NSMCE2: variants seen among roughly 807,000 people sequenced by gnomAD.
NSMCE2 encodes NSE2 SUMO ligase component of SMC5/6 complex.
Under a neutral mutation model 23.8 loss-of-function variants are expected in NSMCE2, and 24 were observed. The observed-to-expected ratio is 1.01, with a 90% confidence interval of 0.73 to 1.42. NSMCE2 has a LOEUF of 1.42. Among genes scored for constraint, NSMCE2 ranks in the 40% most tolerant of loss-of-function variants. The pLI, the probability that NSMCE2 is intolerant of heterozygous loss-of-function variation, is 0.00. For synonymous variants in NSMCE2, 92 were observed against 94.1 expected, an observed-to-expected ratio of 0.98 and a Z score of 0.13; for missense variants, 284 against 296.5, an observed-to-expected ratio of 0.96 and a Z score of 0.31.
intron 5 of NSMCE2, among the ~76,000 whole-genome samples, chr8:125,249,872 TAAGGTGGTG>T (rs1286713232): frequency 6.6e-6 from 1 of 152,240 alleles, no homozygotes; most frequent in East Asian, 1.9e-4. Flanking sequence ...TAAGTTTCTT[TAAGGTGGTG>T]TGAACTTTTG....
intron 3 of NSMCE2, among the ~76,000 whole-genome samples, chr8:125,142,919 T>C (rs1820458582): frequency 6.6e-6 from 1 of 152,272 alleles, no homozygotes; most frequent in Non-Finnish European, 1.5e-5. Flanking sequence ...CAGTTTTAAT[T>C]TTGCCACACT....
chr8:125,110,771 T>TG (rs1818700816), intron 3 of NSMCE2, among the ~76,000 whole-genome samples: 1 of 149,724 alleles, frequency 6.7e-6, no homozygotes, highest in Admixed American at 6.6e-5. Context: ...TGTTTTTTTT[T>TG]TTTTTTTTTT....
intron 5 of NSMCE2, among the ~76,000 whole-genome samples, chr8:125,240,914 C>T (rs952750583): frequency 1.3e-5 from 2 of 152,138 alleles, no homozygotes; most frequent in South Asian, 4.1e-4. Context: ...TTATGGATCC[C>T]AGCTGGGTTC....
chr8:125,138,377 T>G (rs1820177711), intron 3 of NSMCE2, among the ~76,000 whole-genome samples: 1 of 151,926 alleles, frequency 6.6e-6, no homozygotes, highest in African/African-American at 2.4e-5. Flanking sequence ...AGGTGCATGC[T>G]ACTGTGCCTG....
chr8:125,299,804 C>CTTTTTTTTTT lies in NSMCE2; in HGVS notation c.419-57397_419-57388dup, dbSNP rs58789139. Among the ~76,000 whole-genome samples, 231 of 70,280 alleles carry CTTTTTTTTTT rather than the reference C, an allele frequency of 3.3e-3. 24 individuals carry two copies. Among genetic ancestry groups the CTTTTTTTTTT allele is most frequent in the African/African-American group, 4.6e-3 (82 of 17,798 alleles). The allele number at this position is 70,280 out of a possible 152,430, so 46.1% of individuals were successfully genotyped here. ...ACCTTGACCTCATAATTTTGGCTTT[C>CTTTTTTTTTT]TTTTTTTTTTTTTTTTTTTTTTTTT... On this transcript the variant is annotated intron_variant, in intron 5 of 7. Transcript: ENST00000287437.
intron 5 of NSMCE2, among the ~76,000 whole-genome samples, chr8:125,286,939 A>C (rs1223683472): frequency 6.6e-6 from 1 of 152,178 alleles, no homozygotes; most frequent in African/African-American, 2.4e-5. Flanking sequence ...TCTGAACTTC[A>C]GTAGACGCCA....
intron 7 of NSMCE2, among the ~76,000 whole-genome samples, chr8:125,358,547 A>T (rs541251402): frequency 1.2e-3 from 175 of 152,156 alleles, no homozygotes; most frequent in African/African-American, 4.0e-3. Context: ...CCCTTCTTCC[A>T]TGACCACGGA....
intron 4 of NSMCE2, among the ~76,000 whole-genome samples, chr8:125,171,080 C>T (rs1347172736): frequency 3.9e-5 from 6 of 152,132 alleles, no homozygotes; most frequent in African/African-American, 1.4e-4. Flanking sequence ...ATGGCTCACC[C>T]CCTCATTTTC....
At chr8:125,139,693 T>C (rs1563674287) in intron 3 of NSMCE2, among the ~76,000 whole-genome samples, 1 of 151,298 alleles carries the variant, frequency 6.6e-6, no homozygotes, top group Non-Finnish European at 1.5e-5. Context: ...CACTGGGTCT[T>C]TCACATGATA....
At chr8:125,247,618 G>A (rs1199943625) in intron 5 of NSMCE2, among the ~76,000 whole-genome samples, 1 of 151,874 alleles carries the variant, frequency 6.6e-6, no homozygotes, top group African/African-American at 2.4e-5. Flanking sequence ...CCAGCTACTC[G>A]GGAGGCTGAG....
At chr8:125,114,659 A>G (rs1322105023) in intron 3 of NSMCE2, among the ~76,000 whole-genome samples, 1 of 152,196 alleles carries the variant, frequency 6.6e-6, no homozygotes, top group Admixed American at 6.5e-5. Context: ...AGATGCTGCT[A>G]AACAGCCTTC....
chr8:125,197,553 C>G (rs1280392126), intron 5 of NSMCE2, among the ~76,000 whole-genome samples: 1 of 152,168 alleles, frequency 6.6e-6, no homozygotes, highest in Non-Finnish European at 1.5e-5. Context: ...TTCCATTGGT[C>G]TGTATATCTG....
chr8:125,343,759 G>T (rs1226906727), intron 5 of NSMCE2, among the ~76,000 whole-genome samples: 6 of 152,144 alleles, frequency 3.9e-5, no homozygotes, highest in Non-Finnish European at 5.9e-5. Flanking sequence ...ACTTTGGGAG[G>T]CCAAGGCAGG....
intron 3 of NSMCE2, among the ~76,000 whole-genome samples, chr8:125,140,353 C>T (rs1269115185): frequency 6.6e-6 from 1 of 152,084 alleles, no homozygotes; most frequent in Non-Finnish European, 1.5e-5. Context: ...CCTACATTCT[C>T]ATTTAATTTT....
intron 3 of NSMCE2, among the ~76,000 whole-genome samples, chr8:125,117,087 T>G (rs1819042265): frequency 6.6e-6 from 1 of 152,054 alleles, no homozygotes; most frequent in African/African-American, 2.4e-5. Flanking sequence ...CTTCATCAGA[T>G]TTGCTTTTTT....
chr8:125,295,557 C>G (rs1477298571), intron 5 of NSMCE2, among the ~76,000 whole-genome samples: 1 of 152,150 alleles, frequency 6.6e-6, no homozygotes, highest in Non-Finnish European at 1.5e-5. Context: ...GCTGCACACC[C>G]CTGTCTCTGC....
At chr8:125,216,096 A>G (rs1824568724) in intron 5 of NSMCE2, among the ~76,000 whole-genome samples, 1 of 152,182 alleles carries the variant, frequency 6.6e-6, no homozygotes, top group Admixed American at 6.5e-5. Flanking sequence ...TGTGTCTGGC[A>G]TATTTCACTT....
rs192235249 is a variant in NSMCE2, at chr8:125,214,560, T to A, written c.418+32304T>A. On this transcript the variant is annotated intron_variant, in intron 5 of 7. Transcript: ENST00000287437. ...CCTTTTGCCTCTGCTTAGAATTTTT[T>A]AAAATTAATAGACTTTATTTTTTAG... Among the ~76,000 whole-genome samples, 205 of 152,302 alleles carry A rather than the reference T, an allele frequency of 1.3e-3. 2 individuals carry two copies. Among genetic ancestry groups the A allele is most frequent in the African/African-American group, 4.6e-3 (192 of 41,562 alleles).
At chr8:125,307,751 C>T (rs1335799882) in intron 5 of NSMCE2, among the ~76,000 whole-genome samples, 3 of 152,178 alleles carry the variant, frequency 2.0e-5, no homozygotes, top group South Asian at 4.1e-4. Flanking sequence ...AAGCAAGTGT[C>T]GTTTGCTCCC....
Sources: allele counts gnomAD v4.1 joint callset (sites outside exome capture counted in the v4.1 genomes callset), GRCh38; gene constraint gnomAD v4.1.1; transcripts MANE v1.5; gene names NCBI Gene and HGNC (gene_info 2026-07-23, HGNC 2026-07-21).